The following CTNNA3 variants were observed in gnomAD, a reference collection of about 807,000 sequenced individuals.
CTNNA3 encodes the protein catenin alpha 3.
Under a neutral mutation model 95.7 loss-of-function variants are expected in CTNNA3, and 76 were observed. That is an observed-to-expected ratio of 0.79 (90% confidence interval 0.66 to 0.96). The LOEUF is 0.96. Ranked by LOEUF, CTNNA3 falls within the 40% of genes least tolerant of loss-of-function variation. CTNNA3 has a pLI of 0.00. For synonymous variants in CTNNA3, 431 were observed against 374.4 expected (o/e 1.15, Z -1.74); for missense variants, 1,191 against 1,089.8 (o/e 1.09, Z -1.31).
At chr10:66,182,537 G>A (rs1044711918) in intron 13 of CTNNA3, among the ~76,000 whole-genome samples, 5 of 152,108 alleles carry the variant, frequency 3.3e-5, no homozygotes, top group Non-Finnish European at 5.9e-5. Flanking sequence ...TTACAGGCGT[G>A]AGCCACCGCG....
At chr10:66,221,642 G>C (rs2131980815) in intron 13 of CTNNA3, among the ~76,000 whole-genome samples, 1 of 152,280 alleles carries the variant, frequency 6.6e-6, no homozygotes, top group East Asian at 1.9e-4. Context: ...CTTAGTAATA[G>C]TTTTCAGGCA....
intron 11 of CTNNA3, among the ~76,000 whole-genome samples, chr10:66,450,162 C>T (rs1330203617): frequency 5.3e-5 from 8 of 151,986 alleles, no homozygotes; most frequent in Non-Finnish European, 1.0e-4. Flanking sequence ...CTAAAAAATC[C>T]CAGCCAAATA....
intron 11 of CTNNA3, among the ~76,000 whole-genome samples, chr10:66,469,958 G>A (rs1839067522): frequency 6.6e-6 from 1 of 151,872 alleles, no homozygotes. Context: ...AAGACAATGA[G>A]ATAGCTTACA....
intron 7 of CTNNA3, among the ~76,000 whole-genome samples, chr10:66,809,946 A>G (rs1279796513): frequency 6.6e-6 from 1 of 152,012 alleles, no homozygotes; most frequent in Non-Finnish European, 1.5e-5. Flanking sequence ...CTGGGATTAC[A>G]GGCAACTGCT....
chr10:66,980,941 T>C (rs1850396432), intron 7 of CTNNA3, among the ~76,000 whole-genome samples: 1 of 152,142 alleles, frequency 6.6e-6, no homozygotes, highest in Admixed American at 6.6e-5. Context: ...AGTTTCACTC[T>C]TGTTGCCCAG....
At chr10:67,347,238 G>T (rs557250658) in intron 5 of CTNNA3, among the ~76,000 whole-genome samples, 133 of 151,518 alleles carry the variant, frequency 8.8e-4, no homozygotes, top group Non-Finnish European at 1.3e-3. Flanking sequence ...GTTTTGTTTT[G>T]TTTTTTGTAG....
intron 17 of CTNNA3, among the ~76,000 whole-genome samples, chr10:65,945,948 A>T (rs1242341326): frequency 6.6e-6 from 1 of 152,172 alleles, no homozygotes; most frequent in Non-Finnish European, 1.5e-5. Flanking sequence ...AAAGGGAAAG[A>T]TAGGAACCCT....
intron 11 of CTNNA3, among the ~76,000 whole-genome samples, chr10:66,464,789 T>C (rs1291703246): frequency 1.3e-5 from 2 of 150,888 alleles, no homozygotes; most frequent in Non-Finnish European, 3.0e-5. Context: ...CAAAAACACC[T>C]CAGGAAAATA....
intron 7 of CTNNA3, among the ~76,000 whole-genome samples, chr10:66,965,550 A>G (rs539026098): frequency 3.9e-5 from 1 of 25,792 alleles, no homozygotes; most frequent in African/African-American, 8.4e-5. Flanking sequence ...GAAAGAAAAG[A>G]AAAAAAAAAA....
At chr10:66,618,274 C>G (rs10997261) in intron 10 of CTNNA3, among the ~76,000 whole-genome samples, 47,365 of 151,156 alleles carry the variant, frequency 0.31, 8,100 homozygotes, top group Middle Eastern at 0.5. Context: ...GCCAAAAGAA[C>G]AAAGCTGGAG....
At chr10:67,112,472 G>A (rs1235696638) in intron 7 of CTNNA3, among the ~76,000 whole-genome samples, 1 of 152,044 alleles carries the variant, frequency 6.6e-6, no homozygotes, top group African/African-American at 2.4e-5. Flanking sequence ...GATCTTGTCA[G>A]CACTTATTTA....
intron 6 of CTNNA3, among the ~76,000 whole-genome samples, chr10:67,185,944 G>A (rs1390762991): frequency 2.7e-5 from 4 of 150,886 alleles, no homozygotes; most frequent in South Asian, 2.1e-4. Flanking sequence ...TGCTTGAACC[G>A]GGACCCAGGA....
chr10:66,404,957 C>A (rs16922995), intron 11 of CTNNA3, among the ~76,000 whole-genome samples: 9,595 of 152,112 alleles, frequency 0.063, 415 homozygotes, highest in East Asian at 0.12. Context: ...GAGAAGTAAG[C>A]GTGATATCCT....
intron 7 of CTNNA3, among the ~76,000 whole-genome samples, chr10:66,912,815 A>G (rs1846277589): frequency 6.6e-6 from 1 of 152,194 alleles, no homozygotes; most frequent in African/African-American, 2.4e-5. Context: ...CACACGGGGG[A>G]ACATTTTAAT....
Position 67,519,705 on chromosome 10 carries a change from C to A in CTNNA3, c.579+2137G>T, listed in dbSNP as rs58773208. On this transcript the variant is annotated intron_variant, in intron 5 of 17. Transcript: ENST00000433211. ...TTGGAGCTTATGTTCTGTCCCAGTG[C>A]GGAATGATAAATATGGTTGGACCAG... Among the ~76,000 whole-genome samples, 136 of 152,130 alleles carry A rather than the reference C, an allele frequency of 8.9e-4. 1 individual carries two copies. In the East Asian group the frequency reaches 0.025, roughly 28 times the overall value.
intron 5 of CTNNA3, among the ~76,000 whole-genome samples, chr10:67,326,273 G>A (rs1330201018): frequency 1.3e-5 from 2 of 152,138 alleles, no homozygotes; most frequent in African/African-American, 2.4e-5. Flanking sequence ...TCATCATGAC[G>A]TTACCTGGTT....
chr10:67,511,590 G>T (rs573917745), intron 5 of CTNNA3, among the ~76,000 whole-genome samples: 84 of 152,236 alleles, frequency 5.5e-4, no homozygotes, highest in Non-Finnish European at 1.1e-3. Flanking sequence ...TGCTGGATTC[G>T]GTTCACCAGT....
intron 9 of CTNNA3, among the ~76,000 whole-genome samples, chr10:66,646,828 T>G (rs1845723337): frequency 6.6e-6 from 1 of 152,108 alleles, no homozygotes; most frequent in Non-Finnish European, 1.5e-5. Context: ...AAAGCATTTG[T>G]GACTGAAGTA....
At chr10:66,955,344 C>T (rs538837916) in intron 7 of CTNNA3, among the ~76,000 whole-genome samples, 1 of 152,282 alleles carries the variant, frequency 6.6e-6, no homozygotes, top group South Asian at 2.1e-4. Flanking sequence ...TGATTACTCA[C>T]TATGTACCAA....
Sources: allele counts gnomAD v4.1 joint callset (sites outside exome capture counted in the v4.1 genomes callset), GRCh38; gene constraint gnomAD v4.1.1; transcripts MANE v1.5; gene names NCBI Gene and HGNC (gene_info 2026-07-23, HGNC 2026-07-21).